PDCD4: variants seen among roughly 807,000 people sequenced by gnomAD.
The protein encoded by PDCD4 is programmed cell death 4, also known as programmed cell death protein 4.
A neutral mutation model predicts 54.0 loss-of-function variants in PDCD4; 56 were observed. That is an observed-to-expected ratio of 1.04 (90% CI 0.84 to 1.30). The LOEUF (loss-of-function observed/expected upper bound fraction) is 1.30, where lower values mean the gene tolerates loss of function less well. Among genes scored for constraint, PDCD4 ranks in the 50% most tolerant of loss-of-function variants. The pLI is 0.00. For missense variants in PDCD4, 584 were observed against 559.8 expected, an observed-to-expected ratio of 1.04 and a Z score of -0.44; for synonymous variants, 186 against 194.8, an observed-to-expected ratio of 0.95 and a Z score of 0.37.
At chr10:110,891,011 G>A (rs12255335) in intron 8 of PDCD4, 12,040 of 174,246 alleles carry the variant, frequency 0.069, 899 homozygotes, top group East Asian at 0.33. Context: ...CAATAAATAC[G>A]CTTTTATATG....
At chr10:110,896,712 T>C (rs1450149300) in intron 11 of PDCD4, among the ~76,000 whole-genome samples, 2 of 152,204 alleles carry the variant, frequency 1.3e-5, no homozygotes, top group Admixed American at 6.5e-5. Flanking sequence ...TGTAATAATA[T>C]AAATGTTTAG....
rs5787876 is a variant in PDCD4, at chr10:110,898,158, GT to G, written c.*90del. 213,607 of 384,658 alleles carry G rather than the reference GT, an allele frequency of 0.56. 44,823 individuals are homozygous for G. Among genetic ancestry groups the G allele is most frequent in the African/African-American group, 0.75 (31,743 of 42,060 alleles). The allele number at this position is 384,658 out of a possible 1,614,324, so 23.8% of individuals were successfully genotyped here. On this transcript the variant is annotated 3_prime_UTR_variant, in exon 12 of 12. Transcript: ENST00000280154. ...TGAATTGTAAGAGTTGTTAGCACAA[GT>G]TTTTTTTTTTTTTTTTTTTAAGCAC...
At position 110,899,068 on chromosome 10, in the gene PDCD4, C is replaced by T. The variant is rs796147119; in HGVS notation, c.*980C>T. On this transcript the variant is annotated 3_prime_UTR_variant, in exon 12 of 12. Transcript: ENST00000280154. ...GGCTAATGTTACAAAAAGTTATACT[C>T]CAGAGACCCAAAGCTTGACATTTAC... 16 of 152,214 alleles carry T rather than the reference C, an allele frequency of 1.1e-4. No homozygotes were observed. The highest frequency in any genetic ancestry group is 3.9e-4 in the African/African-American group (16 of 41,544). 9.4% of individuals were successfully genotyped at this position (152,214 alleles called of 1,614,324 possible). A position where few individuals can be genotyped will look rare whatever the true frequency, so the allele number is the denominator to read the frequency against.
rs779864358 is a variant in PDCD4 at position 110,893,563 on chromosome 10, T to C, written c.991-528T>C. 8.8e-4 allele frequency among the ~76,000 whole-genome samples: 134 copies of C among 152,026 alleles called. 1 individual carries two copies. The highest frequency in any genetic ancestry group is 1.1e-3 in the Non-Finnish European group (78 of 67,946). On this transcript the variant is annotated intron_variant, in intron 8 of 11. Coordinates refer to ENST00000280154, the MANE Select transcript of PDCD4 (RefSeq NM_014456.5). Reference sequence around the variant, plus strand: ...TTAGCTACAGCTGGAAACTGAATTATTGAACATTTTAGATAATGAGTTTCA... The same window carrying C: ...TTAGCTACAGCTGGAAACTGAATTACTGAACATTTTAGATAATGAGTTTCA...
intron 2 of PDCD4, among the ~76,000 whole-genome samples, chr10:110,879,716 CAG>C (rs1017642905): frequency 9.3e-5 from 14 of 151,134 alleles, no homozygotes; most frequent in Admixed American, 9.2e-4. Flanking sequence ...AAAGGATCTT[CAG>C]TGAGGGCATG....
At chr10:110,873,289 G>C (rs1443550692) in intron 1 of PDCD4, among the ~76,000 whole-genome samples, 1 of 152,220 alleles carries the variant, frequency 6.6e-6, no homozygotes, top group African/African-American at 2.4e-5. Context: ...TTGCATTACT[G>C]TAGTAGAATG....
chr10:110,872,748 A>G (rs191472413), intron 1 of PDCD4, among the ~76,000 whole-genome samples: 3 of 152,352 alleles, frequency 2.0e-5, no homozygotes, highest in East Asian at 3.9e-4. Flanking sequence ...TAGTTTAGGT[A>G]AAATAAAATC....
rs1344202580 is a variant in PDCD4 at position 110,895,417 on chromosome 10, T to C, written c.1210-531T>C. On this transcript the variant is annotated intron_variant, in intron 10 of 11. Transcript: ENST00000280154. Reference sequence around the variant, plus strand: ...CTGCAAAGGACATGATTTTGTTCTTTTTTATGGCTATGTAGCATTCCATGG... The same window carrying C: ...CTGCAAAGGACATGATTTTGTTCTTCTTTATGGCTATGTAGCATTCCATGG... Among the ~76,000 whole-genome samples the C allele has an allele frequency of 2.0e-5, 3 of 152,186 alleles. No homozygotes were observed. In the South Asian group the frequency reaches 6.2e-4, roughly 31 times the overall value.
rs758240296 is a variant in PDCD4 at position 110,895,938 on chromosome 10, ATTG to A, written c.1210-5_1210-3del. 4 of 1,553,246 alleles carry A rather than the reference ATTG, an allele frequency of 2.6e-6. No individual in the cohort carries two copies. In the South Asian group the frequency reaches 4.9e-5, roughly 19 times the overall value. On this transcript the variant is annotated splice_polypyrimidine_tract_variant and splice_region_variant and intron_variant, in intron 10 of 11. Transcript: ENST00000280154. The stretch of plus-strand genomic sequence containing the variant: ...GGCTAACAATTCTGCATGTAATTTC[ATTG>A]TTGTAGGGTTATGAGAGAATTTACA...
chr10:110,893,034 CTA>C (rs1264974196), intron 8 of PDCD4, among the ~76,000 whole-genome samples: 2 of 151,998 alleles, frequency 1.3e-5, no homozygotes, highest in Non-Finnish European at 1.5e-5. Context: ...GAGCAATAGG[CTA>C]TACCATATAG....
chr10:110,895,989 G>C lies in PDCD4; in HGVS notation c.1251G>C (p.Leu417=). Residue 417 remains leucine (L), a synonymous_variant, in exon 11 of 12, where the codon CTG becomes CTC. Transcript: ENST00000280154. ...RIYNEIPDIN[L]DVPHSYSVLE... is the part of the protein sequence containing the mutation. Reference sequence around the variant, plus strand: ...ACAATGAAATTCCGGACATTAATCTGGATGTCCCACATTCATACTCTGTGC... The same window carrying C: ...ACAATGAAATTCCGGACATTAATCTCGATGTCCCACATTCATACTCTGTGC... 1.2e-6 allele frequency: 2 copies of C among 1,603,082 alleles called. No individual in the cohort carries two copies. Among genetic ancestry groups the C allele is most frequent in the Non-Finnish European group, 1.7e-6 (2 of 1,172,498 alleles).
intron 2 of PDCD4, among the ~76,000 whole-genome samples, chr10:110,878,608 C>T (rs1402222494): frequency 5.9e-5 from 9 of 152,212 alleles, no homozygotes; most frequent in Non-Finnish European, 1.0e-4. Context: ...TTTACATTCA[C>T]GCCCTTGTTC....
chr10:110,874,556 T>TA (rs1468194007), intron 1 of PDCD4, among the ~76,000 whole-genome samples: 4 of 152,142 alleles, frequency 2.6e-5, no homozygotes, highest in African/African-American at 9.7e-5. Context: ...TGGCGGGAGT[T>TA]ATAGTGAAAA....
At chr10:110,873,004 CCT>C (rs1489868469) in intron 1 of PDCD4, among the ~76,000 whole-genome samples, 2 of 152,148 alleles carry the variant, frequency 1.3e-5, no homozygotes, top group East Asian at 1.9e-4. Context: ...AAGGGTTTCC[CCT>C]GTTTTTAACT....
rs201111696 is a variant in PDCD4, at chr10:110,896,009, C to G, written c.1271C>G (p.Ser424Cys). Residue 424 changes from serine to cysteine, a missense_variant, in exon 11 of 12, where the codon TCT (serine) becomes TGT (cysteine). Coordinates refer to ENST00000280154, the MANE Select transcript of PDCD4 (RefSeq NM_014456.5). ...DINLDVPHSY[S>C]VLERFVEECF... ...AATCTGGATGTCCCACATTCATACT[C>G]TGTGCTGGAGCGGTTTGTAGAAGAA... is the stretch of plus-strand genomic sequence containing the variant. 9.0e-5 allele frequency: 144 copies of G among 1,608,278 alleles called. No homozygotes were observed. The highest frequency in any genetic ancestry group is 1.1e-4 in the Non-Finnish European group (133 of 1,175,516).
At chr10:110,876,611 C>T in intron 2 of PDCD4, 1 of 487,428 alleles carries the variant, frequency 2.1e-6, no homozygotes, top group Non-Finnish European at 3.4e-6. Flanking sequence ...GTAATATAAA[C>T]TTACTGGTAT....
At chr10:110,887,968 T>A in intron 6 of PDCD4, 82 bp downstream of exon 6, 1 of 862,912 alleles carries the variant, frequency 1.2e-6, no homozygotes, top group Non-Finnish European at 1.8e-6. Flanking sequence ...CCTAGGAAAT[T>A]TTAGTAGATG....
chr10:110,874,913 GTAAT>G (rs1564678943), intron 1 of PDCD4, among the ~76,000 whole-genome samples: 2 of 152,188 alleles, frequency 1.3e-5, no homozygotes, highest in Admixed American at 6.5e-5. Context: ...GTGCTTTTCT[GTAAT>G]TAATTTATTA....
Position 110,890,687 on chromosome 10 carries a change from G to GT in PDCD4, c.990+22dup. ...GTTAAAGAGGTAATGATTGGGTATT[G>GT]TTTTTAACTTAATTTATATGTATTC... is the stretch of plus-strand genomic sequence containing the variant. On this transcript the variant is annotated intron_variant, in intron 8 of 11. Transcript: ENST00000280154. The GT allele has an allele frequency of 6.8e-7, 1 of 1,481,460 alleles. No individual in the cohort carries two copies. The highest frequency in any genetic ancestry group is 9.4e-7 in the Non-Finnish European group (1 of 1,062,490). The allele number at this position is 1,481,460 out of a possible 1,614,324, so 91.8% of individuals were successfully genotyped here.
Sources: gnomAD v4.1 joint callset for allele counts (sites outside exome capture counted in the v4.1 genomes callset) on GRCh38, gnomAD v4.1.1 for gene constraint, MANE v1.5 for transcripts, NCBI Gene and HGNC (gene_info 2026-07-23, HGNC 2026-07-21) for gene names.